NOS1: variants seen among roughly 807,000 people sequenced by gnomAD.
NOS1 encodes the protein NOS type I.
NOS1 carries 51 observed loss-of-function variants against 164.5 expected under a neutral mutation model. The observed-to-expected ratio is 0.31, with a 90% CI of 0.25 to 0.39. The LOEUF is 0.39. NOS1 is among the 10% of genes least tolerant of loss of function. The pLI is 1.00. For missense variants in NOS1, 1,362 were observed against 1,885.6 expected (o/e 0.72, Z 5.14); for synonymous variants, 719 against 745.8 (o/e 0.96, Z 0.59).
intron 3 of NOS1, among the ~76,000 whole-genome samples, chr12:117,307,980 C>T (rs538483255): frequency 1.7e-4 from 23 of 139,372 alleles, no homozygotes; most frequent in African/African-American, 5.7e-4. Flanking sequence ...GCACCAGAGA[C>T]TCTGTCTCAC....
chr12:117,280,591 A>G (rs1873560392), intron 8 of NOS1, 134 bp downstream of exon 8: 1 of 895,826 alleles, frequency 1.1e-6, no homozygotes, highest in African/African-American at 1.7e-5. Context: ...CCTGATGGAG[A>G]AGCAGGTTTG....
intron 24 of NOS1, among the ~76,000 whole-genome samples, chr12:117,225,991 T>A (rs1868640810): frequency 6.6e-6 from 1 of 152,182 alleles, no homozygotes; most frequent in South Asian, 2.1e-4. Flanking sequence ...CTTCAGTGTG[T>A]AAAAGAATCA....
intron 3 of NOS1, among the ~76,000 whole-genome samples, chr12:117,297,303 TG>T (rs1289311618): frequency 6.6e-6 from 1 of 152,086 alleles, no homozygotes; most frequent in East Asian, 1.9e-4. Flanking sequence ...AACTGAAGGT[TG>T]GGGGCTCTGG....
chr12:117,240,130 C>A (rs1870052250), intron 20 of NOS1, among the ~76,000 whole-genome samples: 1 of 152,172 alleles, frequency 6.6e-6, no homozygotes, highest in Admixed American at 6.5e-5. Context: ...TAGGCCTTCT[C>A]ATACAATGCT....
chr12:117,341,658 C>G (rs1428234029), intron 1 of NOS1, among the ~76,000 whole-genome samples: 1 of 152,184 alleles, frequency 6.6e-6, no homozygotes, highest in Non-Finnish European at 1.5e-5. Flanking sequence ...CTGCCTCCCA[C>G]CCTTGCCCCT....
intron 2 of NOS1, among the ~76,000 whole-genome samples, chr12:117,320,214 G>GA (rs1330472106): frequency 6.6e-6 from 1 of 152,214 alleles, no homozygotes; most frequent in Non-Finnish European, 1.5e-5. Context: ...CTTAGATGGA[G>GA]AAAGGGTCTC....
chr12:117,214,887 T>A lies in NOS1; in HGVS notation c.*422A>T. 1.0e-6 allele frequency: 1 copy of A among 991,130 alleles called. No individual in the cohort carries two copies. Among genetic ancestry groups the A allele is most frequent in the Non-Finnish European group, 1.2e-6 (1 of 836,194 alleles). The allele number at this position is 991,130 out of a possible 1,614,324, so 61.4% of individuals were successfully genotyped here. ...CACACAGGCACGCACAACCAAAATG[T>A]CATCATAAAAAAGGAGAAAGGGGGA... On this transcript the variant is annotated 3_prime_UTR_variant, in exon 29 of 29. Transcript: ENST00000317775.
intron 2 of NOS1, among the ~76,000 whole-genome samples, chr12:117,314,631 G>T (rs1309597286): frequency 6.6e-6 from 1 of 152,168 alleles, no homozygotes; most frequent in African/African-American, 2.4e-5. Context: ...TTTTGAAACA[G>T]AGTCTTGCTT....
At position 117,321,524 on chromosome 12, in the gene NOS1, C is replaced by G. The variant is rs555507720; in HGVS notation, c.725+8821G>C. Among the ~76,000 whole-genome samples the G allele has an allele frequency of 1.1e-4, 17 of 152,184 alleles. No individual in the cohort carries two copies. The South Asian group carries it at 3.5e-3, about 32-fold the overall frequency. ...TTCCTCAGAATAAAGGGCTGGGTACCCACCTGGCAAGACGGCAGGGACACA... is the reference window on the plus strand; with the variant it reads ...TTCCTCAGAATAAAGGGCTGGGTACGCACCTGGCAAGACGGCAGGGACACA... On this transcript the variant is annotated intron_variant, in intron 2 of 28. Coordinates refer to ENST00000317775, the MANE Select transcript of NOS1 (RefSeq NM_000620.5).
At position 117,346,421 on chromosome 12, in the gene NOS1, C is replaced by T. The variant is rs577815846; in HGVS notation, c.-420-14932G>A. On this transcript the variant is annotated intron_variant, in intron 1 of 28. Coordinates refer to ENST00000317775, the MANE Select transcript of NOS1 (RefSeq NM_000620.5). Reference sequence around the variant, plus strand: ...GGGAGGCTGAGGTTGTAGTGAGCCACGATCACACCACTGCACTCCAGCCTG... The same window carrying T: ...GGGAGGCTGAGGTTGTAGTGAGCCATGATCACACCACTGCACTCCAGCCTG... 7.8e-4 allele frequency among the ~76,000 whole-genome samples: 119 copies of T among 152,210 alleles called. 1 individual carries two copies. The highest frequency in any genetic ancestry group is 2.8e-3 in the African/African-American group (115 of 41,540).
intron 1 of NOS1, among the ~76,000 whole-genome samples, chr12:117,340,873 A>ATT (rs56322341): frequency 0.023 from 2,408 of 104,344 alleles, 146 homozygotes; most frequent in African/African-American, 0.059. Context: ...ACACCTGGCT[A>ATT]TTTTTTTTTT....
chr12:117,276,878 A>G (rs1397588296), intron 9 of NOS1, among the ~76,000 whole-genome samples: 1 of 152,060 alleles, frequency 6.6e-6, no homozygotes, highest in African/African-American at 2.4e-5. Flanking sequence ...TTATCTATTC[A>G]TCTGTTGATG....
intron 2 of NOS1, among the ~76,000 whole-genome samples, chr12:117,326,952 C>T (rs1398165965): frequency 6.6e-6 from 1 of 152,134 alleles, no homozygotes; most frequent in Non-Finnish European, 1.5e-5. Flanking sequence ...AGGGGAAGGA[C>T]CCAGCTCCCA....
rs930042715 is a variant in NOS1, at chr12:117,243,224, C to T, written c.2962+73G>A. On this transcript the variant is annotated intron_variant, in intron 19 of 28. Coordinates refer to ENST00000317775, the MANE Select transcript of NOS1 (RefSeq NM_000620.5). This position sits in a 1 kb window ranked among gnomAD's most constrained non-coding sequence, Gnocchi z 4.3. ...CAATGAAGCCCATCTTCTCTAAGCA[C>T]CTTCTGGAGGTGAGATCACCTGCCT... 13 of 1,580,868 alleles carry T rather than the reference C, an allele frequency of 8.2e-6. No homozygotes were observed. Among genetic ancestry groups the T allele is most frequent in the Non-Finnish European group, 1.0e-5 (12 of 1,161,294 alleles).
At position 117,209,896 on chromosome 12, in the gene NOS1, A is replaced by G. The variant is rs1105026; in HGVS notation, c.*5413T>C. 22,276 of 985,344 alleles carry G rather than the reference A, an allele frequency of 0.023. 3,030 individuals carry two copies. The African/African-American group carries it at 0.3, about 13-fold the overall frequency. 61.0% of individuals were successfully genotyped at this position (985,344 alleles called of 1,614,324 possible). A position where few individuals can be genotyped will look rare whatever the true frequency, so the allele number is the denominator to read the frequency against. ...AAATCCCTGTTCATGGGGAACATCT[A>G]TGTTGACTCCCTGGGAGGCAGGCCC... On this transcript the variant is annotated 3_prime_UTR_variant, in exon 29 of 29. Transcript: ENST00000317775.
intron 7 of NOS1, among the ~76,000 whole-genome samples, chr12:117,282,208 C>G (rs1873730103): frequency 6.6e-6 from 1 of 150,678 alleles, no homozygotes; most frequent in African/African-American, 2.4e-5. Context: ...ACATCATCAT[C>G]AGGATTGGAA....
chr12:117,252,780 G>C (rs1871193186), intron 17 of NOS1, among the ~76,000 whole-genome samples: 1 of 152,186 alleles, frequency 6.6e-6, no homozygotes, highest in South Asian at 2.1e-4. Flanking sequence ...TCAATAGCTA[G>C]CAAACCAGTG....
chr12:117,346,371 T>C (rs1876350403), intron 1 of NOS1, among the ~76,000 whole-genome samples: 1 of 152,176 alleles, frequency 6.6e-6, no homozygotes, highest in South Asian at 2.1e-4. Context: ...CTCAGGAGGC[T>C]GAGGCAGGAG....
chr12:117,313,959 C>A (rs1874554442), intron 2 of NOS1, among the ~76,000 whole-genome samples: 2 of 152,152 alleles, frequency 1.3e-5, no homozygotes, highest in African/African-American at 4.8e-5. Flanking sequence ...GTTCTATGGT[C>A]CTAGCTTAGG....
Sources: allele counts gnomAD v4.1 joint callset (sites outside exome capture counted in the v4.1 genomes callset), GRCh38; gene constraint gnomAD v4.1.1; non-coding constraint Gnocchi (gnomAD v3.1); transcripts MANE v1.5; gene names NCBI Gene and HGNC (gene_info 2026-07-23, HGNC 2026-07-21).